The following CHST11 variants were observed in gnomAD, a reference collection of about 807,000 sequenced individuals.
CHST11 encodes C4S-1.
Under a neutral mutation model 30.4 loss-of-function variants are expected in CHST11, and 9 were observed. The observed-to-expected ratio is 0.30, with a 90% confidence interval of 0.18 to 0.52. CHST11 has a LOEUF of 0.52. CHST11 is among the 20% of genes least tolerant of loss of function. The pLI, the probability that CHST11 is intolerant of heterozygous loss-of-function variation, is 0.97. For missense variants in CHST11, 348 were observed against 460.6 expected, an observed-to-expected ratio of 0.76 and a Z score of 2.24; for synonymous variants, 152 against 187.8, an observed-to-expected ratio of 0.81 and a Z score of 1.56.
intron 1 of CHST11, among the ~76,000 whole-genome samples, chr12:104,493,222 C>T (rs2037766594): frequency 1.3e-5 from 2 of 152,182 alleles, no homozygotes; most frequent in Admixed American, 1.3e-4. Context: ...TGCAGATGGC[C>T]TCAGCCATTC....
intron 2 of CHST11, among the ~76,000 whole-genome samples, chr12:104,709,977 A>C (rs1414319042): frequency 6.6e-6 from 1 of 152,148 alleles, no homozygotes; most frequent in Non-Finnish European, 1.5e-5. Flanking sequence ...TGGGAGGATC[A>C]CTTCAGTCCA....
chr12:104,720,733 A>G (rs975691285), intron 2 of CHST11, among the ~76,000 whole-genome samples: 24 of 56,804 alleles, frequency 4.2e-4, no homozygotes, highest in East Asian at 2.3e-3. Context: ...AAAAAGGGGA[A>G]AAAAAAAATG....
At chr12:104,661,267 C>G (rs1039552701) in intron 2 of CHST11, among the ~76,000 whole-genome samples, 5 of 152,134 alleles carry the variant, frequency 3.3e-5, no homozygotes, top group Admixed American at 2.0e-4. Context: ...TGGCTCACAC[C>G]TGTAATCCTA....
At chr12:104,687,547 G>T (rs1031712425) in intron 2 of CHST11, among the ~76,000 whole-genome samples, 6 of 152,228 alleles carry the variant, frequency 3.9e-5, no homozygotes, top group African/African-American at 9.7e-5. Flanking sequence ...CATAGTCATA[G>T]CTGGGAAGCC....
At chr12:104,605,441 T>C (rs991242710) in intron 2 of CHST11, among the ~76,000 whole-genome samples, 14 of 152,096 alleles carry the variant, frequency 9.2e-5, no homozygotes, top group African/African-American at 3.4e-4. Context: ...TCTATGGGCG[T>C]GGTGGCGGGC....
intron 1 of CHST11, among the ~76,000 whole-genome samples, chr12:104,590,052 C>A (rs1376954818): frequency 6.8e-6 from 1 of 147,844 alleles, no homozygotes; most frequent in Non-Finnish European, 1.5e-5. Context: ...GATGCCTCAC[C>A]CTAGCTGGCC....
intron 1 of CHST11, among the ~76,000 whole-genome samples, chr12:104,586,266 C>T (rs2038803394): frequency 6.6e-6 from 1 of 152,192 alleles, no homozygotes; most frequent in South Asian, 2.1e-4. Context: ...CCTGGGTAGG[C>T]TCAGGGTTTG....
intron 1 of CHST11, among the ~76,000 whole-genome samples, chr12:104,485,518 C>T (rs1414757082): frequency 6.6e-6 from 1 of 152,200 alleles, no homozygotes; most frequent in Non-Finnish European, 1.5e-5. Context: ...TGGCCTTCTG[C>T]TCACCGCAGA....
chr12:104,640,632 G>A (rs1211498287), intron 2 of CHST11, among the ~76,000 whole-genome samples: 1 of 152,154 alleles, frequency 6.6e-6, no homozygotes, highest in Non-Finnish European at 1.5e-5. Context: ...GAGCACAAGG[G>A]ATTTTTAGGA....
intron 1 of CHST11, among the ~76,000 whole-genome samples, chr12:104,491,371 G>GC (rs1298730641): frequency 1.3e-5 from 2 of 152,074 alleles, no homozygotes; most frequent in Non-Finnish European, 2.9e-5. Context: ...ATCTCCCTGT[G>GC]CCCCCCATGA....
chr12:104,477,990 G>A (rs1483680868), intron 1 of CHST11, among the ~76,000 whole-genome samples: 1 of 152,188 alleles, frequency 6.6e-6, no homozygotes, highest in East Asian at 1.9e-4. Flanking sequence ...ACTCTAAGAA[G>A]GGTGATGGCT....
intron 1 of CHST11, chr12:104,514,341 C>G: frequency 1.0e-6 from 1 of 964,468 alleles, no homozygotes; most frequent in Non-Finnish European, 1.7e-6. Flanking sequence ...GTCTCTCAAG[C>G]AGCAGCTCTT....
Position 104,757,617 on chromosome 12 carries a change from G to A in CHST11, c.873G>A (p.Gln291=). The A allele has an allele frequency of 6.2e-7, 1 of 1,614,170 alleles. No individual in the cohort carries two copies. Among genetic ancestry groups the A allele is most frequent in the Non-Finnish European group, 8.5e-7 (1 of 1,180,020 alleles). Reference sequence around the variant, plus strand: ...AAGAGGATTCTAATTACGTCCTGCAGCTGGCAGGAGTGGGCAGCTACCTGA... The same window carrying A: ...AAGAGGATTCTAATTACGTCCTGCAACTGGCAGGAGTGGGCAGCTACCTGA... ...TLEEDSNYVL[Q]LAGVGSYLKF... The change falls in exon 3 of 3, where the codon CAG becomes CAA. Residue 291 remains glutamine, a synonymous_variant. Transcript: ENST00000303694. This position sits in a 1 kb window ranked among gnomAD's most constrained non-coding sequence, Gnocchi z 6.5.
intron 1 of CHST11, among the ~76,000 whole-genome samples, chr12:104,544,139 AAAGAAAG>A (rs1244310640): frequency 0.033 from 179 of 5,384 alleles, 1 homozygote; most frequent in Non-Finnish European, 0.059. Flanking sequence ...AAAAAAAAAA[AAAGAAAG>A]AAAGAAAGAA....
chr12:104,628,669 C>A (rs1477247438), intron 2 of CHST11, among the ~76,000 whole-genome samples: 1 of 152,192 alleles, frequency 6.6e-6, no homozygotes, highest in Non-Finnish European at 1.5e-5. Context: ...TTCCAGCCCT[C>A]CAGGCCTTGG....
intron 2 of CHST11, among the ~76,000 whole-genome samples, chr12:104,603,073 A>G (rs1394943394): frequency 1.3e-5 from 2 of 152,210 alleles, no homozygotes; most frequent in African/African-American, 4.8e-5. Context: ...TTGCCAAGTC[A>G]GTATTGCCTG....
chr12:104,478,632 C>T (rs1295559000), intron 1 of CHST11, among the ~76,000 whole-genome samples: 1 of 152,150 alleles, frequency 6.6e-6, no homozygotes, highest in South Asian at 2.1e-4. Context: ...TCAGGCTGTT[C>T]CTGTTAACAG....
chr12:104,727,191 C>T (rs1179349909), intron 2 of CHST11, among the ~76,000 whole-genome samples: 1 of 152,076 alleles, frequency 6.6e-6, no homozygotes. Flanking sequence ...ATGTAATTTG[C>T]CAATTCCTGG....
At chr12:104,532,147 G>C (rs937666939) in intron 1 of CHST11, among the ~76,000 whole-genome samples, 1 of 152,110 alleles carries the variant, frequency 6.6e-6, no homozygotes, top group African/African-American at 2.4e-5. Context: ...CCACGAATCG[G>C]CTTTCATGTC....
Sources: allele counts gnomAD v4.1 joint callset (sites outside exome capture counted in the v4.1 genomes callset), GRCh38; gene constraint gnomAD v4.1.1; non-coding constraint Gnocchi (gnomAD v3.1); transcripts MANE v1.5; gene names NCBI Gene and HGNC (gene_info 2026-07-23, HGNC 2026-07-21).